The following PLEKHA7 variants were observed in gnomAD, a reference collection of about 807,000 sequenced individuals.
PLEKHA7 encodes pleckstrin homology domain containing A7.
PLEKHA7 carries 104 observed loss-of-function variants against 170.0 expected under a neutral mutation model. The ratio of observed to expected loss-of-function variants is 0.61; its 90% CI spans 0.52 to 0.72. The LOEUF is 0.72. PLEKHA7 is among the 30% of genes least tolerant of loss of function. PLEKHA7 has a pLI of 0.00. For synonymous variants in PLEKHA7, 648 were observed against 660.8 expected, an observed-to-expected ratio of 0.98 and a Z score of 0.30; for missense variants, 1,615 against 1,671.7, an observed-to-expected ratio of 0.97 and a Z score of 0.59.
chr11:17,002,367 G>A (rs1405712722), intron 3 of PLEKHA7, among the ~76,000 whole-genome samples: 1 of 151,592 alleles, frequency 6.6e-6, no homozygotes, highest in Admixed American at 6.6e-5. Context: ...TGGTACCACT[G>A]CACCCCAGCC....
rs745602299 is a variant in PLEKHA7 at position 16,841,650 on chromosome 11, T to G, written c.769A>C (p.Met257Leu). Residue 257 changes from methionine (M) to leucine (L), a missense_variant, in exon 9 of 27, where the codon ATG becomes CTG. Coordinates refer to ENST00000531066, the MANE Select transcript of PLEKHA7 (RefSeq NM_001329630.2). The stretch of plus-strand genomic sequence containing the variant: ...TCGGCACTGAAGTAGTAGGTCCTCA[T>G]GCCTGACTGCTCGGCCTGAGAGCCC... ...TAGSQAEQSG[M>L]RTYYFSADTQ... 6.2e-7 allele frequency: 1 copy of G among 1,614,198 alleles called. No homozygotes were observed. Among genetic ancestry groups the G allele is most frequent in the Admixed American group, 1.7e-5 (1 of 60,028 alleles).
chr11:17,007,342 G>A (rs1436083309), intron 3 of PLEKHA7, among the ~76,000 whole-genome samples: 1 of 151,150 alleles, frequency 6.6e-6, no homozygotes, highest in African/African-American at 2.4e-5. Flanking sequence ...TTTTTTTTGA[G>A]ACAGAGTTTT....
intron 3 of PLEKHA7, among the ~76,000 whole-genome samples, chr11:16,989,027 C>T (rs940975457): frequency 6.6e-6 from 1 of 152,196 alleles, no homozygotes; most frequent in Non-Finnish European, 1.5e-5. Flanking sequence ...CCCCAAATAG[C>T]CACATCTTCC....
chr11:16,916,488 C>T (rs1408872559), intron 3 of PLEKHA7, among the ~76,000 whole-genome samples: 1 of 152,176 alleles, frequency 6.6e-6, no homozygotes, highest in Admixed American at 6.5e-5. Context: ...TCATTTCCCT[C>T]AATCATAGGA....
chr11:16,939,000 G>A (rs936277966), intron 3 of PLEKHA7, among the ~76,000 whole-genome samples: 2 of 152,138 alleles, frequency 1.3e-5, no homozygotes, highest in Non-Finnish European at 2.9e-5. Flanking sequence ...TTGAATTTTA[G>A]AAGATTCAAA....
chr11:16,855,659 T>C, intron 5 of PLEKHA7, 144 bp downstream of exon 5: 1 of 672,080 alleles, frequency 1.5e-6, no homozygotes, highest in Non-Finnish European at 2.6e-6. Context: ...TTGGCCTCAG[T>C]TTCCTGATCT....
chr11:16,916,860 G>C (rs1227200239), intron 3 of PLEKHA7, among the ~76,000 whole-genome samples: 1 of 152,122 alleles, frequency 6.6e-6, no homozygotes, highest in African/African-American at 2.4e-5. Context: ...CTGAGGTCAG[G>C]CTGGATTAGG....
chr11:16,890,464 G>A (rs974428503), intron 3 of PLEKHA7, among the ~76,000 whole-genome samples: 8 of 152,136 alleles, frequency 5.3e-5, no homozygotes. Context: ...CATGCAAACA[G>A]AAACCAAAAG....
At chr11:16,790,562 AG>A in intron 21 of PLEKHA7, 1 of 533,228 alleles carries the variant, frequency 1.9e-6, no homozygotes, top group Non-Finnish European at 3.4e-6. Flanking sequence ...CAGGCTTTCT[AG>A]TAACTGCTAT....
intron 26 of PLEKHA7, among the ~76,000 whole-genome samples, chr11:16,780,085 C>G (rs1045584282): frequency 4.6e-5 from 7 of 152,014 alleles, no homozygotes; most frequent in African/African-American, 1.7e-4. Context: ...CACAAGTATA[C>G]GTAAAGGAAG....
chr11:16,977,398 C>T (rs1229873914), intron 3 of PLEKHA7, among the ~76,000 whole-genome samples: 1 of 152,132 alleles, frequency 6.6e-6, no homozygotes, highest in Non-Finnish European at 1.5e-5. Context: ...CTCAATGAAA[C>T]CTTCCCCACC....
chr11:16,855,042 C>CA (rs745363548), intron 5 of PLEKHA7, 49 bp from the exon 6 acceptor site: 9 of 1,515,484 alleles, frequency 5.9e-6, no homozygotes, highest in Admixed American at 5.1e-5. Context: ...TAAGGTGACA[C>CA]AAAAAAGCAC....
intron 25 of PLEKHA7, 63 bp from the exon 26 acceptor site, chr11:16,782,959 AG>A: frequency 6.7e-7 from 1 of 1,501,628 alleles, no homozygotes; most frequent in Non-Finnish European, 8.9e-7. Flanking sequence ...TCAGGAGTGG[AG>A]GGTCTCCCTG....
Position 16,905,853 on chromosome 11 carries a change from C to A in PLEKHA7, c.222-34671G>T, listed in dbSNP as rs192211288. Among the ~76,000 whole-genome samples the A allele has an allele frequency of 3.6e-3, 551 of 152,304 alleles. 4 individuals are homozygous for A. Among genetic ancestry groups the A allele is most frequent in the Middle Eastern group, 0.02 (6 of 294 alleles). ...TATGAAGTGTTTAATTTATTTAAGA[C>A]AGGAATCACCTCCACTTTACAGCTG... On this transcript the variant is annotated intron_variant, in intron 3 of 26. Transcript: ENST00000531066.
chr11:16,865,583 G>A (rs1296356142), intron 4 of PLEKHA7, among the ~76,000 whole-genome samples: 2 of 139,136 alleles, frequency 1.4e-5, no homozygotes, highest in African/African-American at 5.1e-5. Context: ...AATTAGCTGG[G>A]TGTGATGGTG....
intron 3 of PLEKHA7, among the ~76,000 whole-genome samples, chr11:16,962,550 T>G (rs556310426): frequency 6.6e-6 from 1 of 152,142 alleles, no homozygotes; most frequent in Non-Finnish European, 1.5e-5. Context: ...AACCTGTATC[T>G]CCTGGGTTCA....
At chr11:16,830,732 G>A (rs527870147) in intron 9 of PLEKHA7, among the ~76,000 whole-genome samples, 83 of 152,302 alleles carry the variant, frequency 5.4e-4, no homozygotes, top group Non-Finnish European at 5.6e-4. Flanking sequence ...CACTGGGACA[G>A]GCACCTGGGA....
intron 3 of PLEKHA7, among the ~76,000 whole-genome samples, chr11:16,992,755 C>CAA (rs10610034): frequency 1.6e-4 from 19 of 119,098 alleles, no homozygotes; most frequent in African/African-American, 4.8e-4. Context: ...GACTCTATCT[C>CAA]AAAAAAAAAA....
intron 3 of PLEKHA7, among the ~76,000 whole-genome samples, chr11:17,006,589 T>G (rs532200558): frequency 1.4e-5 from 2 of 145,954 alleles, no homozygotes; most frequent in East Asian, 4.1e-4. Flanking sequence ...ATGCCGCCAC[T>G]GCACTCCAGC....
Sources: allele counts gnomAD v4.1 joint callset (sites outside exome capture counted in the v4.1 genomes callset), GRCh38; gene constraint gnomAD v4.1.1; transcripts MANE v1.5; gene names NCBI Gene and HGNC (gene_info 2026-07-23, HGNC 2026-07-21).